AKT3: variants seen among roughly 807,000 people sequenced by gnomAD.
AKT3 encodes RAC-gamma serine/threonine-protein kinase.
In AKT3, 15 loss-of-function variants were observed where a neutral mutation model predicts 65.3. The observed-to-expected ratio is 0.23, with a 90% CI of 0.15 to 0.35. The LOEUF (loss-of-function observed/expected upper bound fraction) is 0.35. Among genes scored for constraint, AKT3 ranks in the 10% least tolerant of loss-of-function variants. AKT3 has a pLI of 1.00. For synonymous variants in AKT3, 206 were observed against 183.8 expected, an observed-to-expected ratio of 1.12 and a Z score of -0.98; for missense variants, 243 against 576.5, an observed-to-expected ratio of 0.42 and a Z score of 5.92.
chr1:243,582,430 C>A (rs1467165732), intron 8 of AKT3, among the ~76,000 whole-genome samples: 3 of 135,936 alleles, frequency 2.2e-5, no homozygotes, highest in Non-Finnish European at 4.7e-5. Flanking sequence ...AGACTGGGGA[C>A]CTATTTTTAG....
At position 243,783,597 on chromosome 1, in the gene AKT3, GTTAAC is replaced by G. The variant is rs1296849320; in HGVS notation, c.46+59523_46+59527del. 2.6e-5 allele frequency among the ~76,000 whole-genome samples: 4 copies of G among 152,198 alleles called. No homozygotes were observed. The East Asian group carries it at 7.7e-4, about 29-fold the overall frequency. ...AAATTTAAAAATTTGTAAATGAAAA[GTTAAC>G]TTAAAAAATTTTTAATTCTTAAAAA... On this transcript the variant is annotated intron_variant, in intron 2 of 13. Transcript: ENST00000673466.
chr1:243,528,642 A>G (rs563109148), intron 12 of AKT3, among the ~76,000 whole-genome samples: 1 of 152,312 alleles, frequency 6.6e-6, no homozygotes, highest in Non-Finnish European at 1.5e-5. Flanking sequence ...TTTTGCTGCA[A>G]AGGACATGAT....
chr1:243,610,097 C>T (rs959967604), intron 8 of AKT3, among the ~76,000 whole-genome samples: 3 of 152,204 alleles, frequency 2.0e-5, no homozygotes, highest in African/African-American at 7.2e-5. Flanking sequence ...TCCACAAAGA[C>T]TTAATACATA....
At chr1:243,822,073 C>T (rs1693888159) in intron 2 of AKT3, among the ~76,000 whole-genome samples, 2 of 152,190 alleles carry the variant, frequency 1.3e-5, no homozygotes, top group Admixed American at 6.5e-5. Context: ...GAAATCCTAA[C>T]AGTCTCTCAG....
At chr1:243,529,804 T>C (rs370870987) in intron 12 of AKT3, among the ~76,000 whole-genome samples, 13 of 152,158 alleles carry the variant, frequency 8.5e-5, no homozygotes, top group African/African-American at 3.1e-4. Flanking sequence ...GATTTAAAAA[T>C]AGTTTGGTTT....
At chr1:243,797,629 C>A (rs986939045) in intron 2 of AKT3, among the ~76,000 whole-genome samples, 2 of 152,094 alleles carry the variant, frequency 1.3e-5, no homozygotes, top group African/African-American at 2.4e-5. Context: ...AATAGATATT[C>A]TCTGTTCTTA....
intron 3 of AKT3, among the ~76,000 whole-genome samples, chr1:243,673,641 G>A (rs1055885191): frequency 7.8e-6 from 1 of 127,800 alleles, no homozygotes; most frequent in African/African-American, 2.9e-5. Context: ...TTTAGACAGA[G>A]TCTTGCTCTT....
chr1:243,645,547 C>T (rs747940625), intron 5 of AKT3, among the ~76,000 whole-genome samples: 4 of 151,868 alleles, frequency 2.6e-5, no homozygotes, highest in African/African-American at 7.3e-5. Context: ...ATACGAAATG[C>T]GAAATGGAAA....
intron 8 of AKT3, among the ~76,000 whole-genome samples, chr1:243,585,216 C>A (rs1245037316): frequency 6.6e-6 from 1 of 151,868 alleles, no homozygotes; most frequent in Non-Finnish European, 1.5e-5. Context: ...TACAAGACAC[C>A]GTTAAAAGAA....
At chr1:243,704,022 T>C (rs1270107323) in intron 2 of AKT3, among the ~76,000 whole-genome samples, 2 of 152,188 alleles carry the variant, frequency 1.3e-5, no homozygotes, top group Non-Finnish European at 2.9e-5. Context: ...CTCAGGCAAC[T>C]GAAAAGTGTT....
At chr1:243,807,207 A>G (rs1692786207) in intron 2 of AKT3, among the ~76,000 whole-genome samples, 1 of 152,208 alleles carries the variant, frequency 6.6e-6, no homozygotes, top group Non-Finnish European at 1.5e-5. Context: ...GGTGCAGTGC[A>G]CCAAGCGTGA....
At chr1:243,627,514 G>C (rs1432553187) in intron 6 of AKT3, among the ~76,000 whole-genome samples, 1 of 152,090 alleles carries the variant, frequency 6.6e-6, no homozygotes, top group African/African-American at 2.4e-5. Context: ...TGTTTCGAAG[G>C]GATTCTGACT....
intron 2 of AKT3, among the ~76,000 whole-genome samples, chr1:243,720,075 G>C (rs1686781603): frequency 1.3e-5 from 2 of 152,150 alleles, no homozygotes; most frequent in Non-Finnish European, 2.9e-5. Context: ...CACTCTGGAA[G>C]GCTGTGGTGG....
chr1:243,773,092 C>T (rs1029561521), intron 2 of AKT3, among the ~76,000 whole-genome samples: 3 of 150,666 alleles, frequency 2.0e-5, no homozygotes, highest in Non-Finnish European at 4.4e-5. Flanking sequence ...ATGTAAATGG[C>T]GAGTTAATGG....
intron 2 of AKT3, among the ~76,000 whole-genome samples, chr1:243,790,516 G>C (rs1480298483): frequency 1.3e-5 from 2 of 152,164 alleles, no homozygotes; most frequent in Non-Finnish European, 2.9e-5. Flanking sequence ...TGGCTGGTTT[G>C]ATCTACCCAG....
At chr1:243,754,137 T>C (rs1688979714) in intron 2 of AKT3, among the ~76,000 whole-genome samples, 1 of 152,224 alleles carries the variant, frequency 6.6e-6, no homozygotes, top group Non-Finnish European at 1.5e-5. Flanking sequence ...CAGCTTATCC[T>C]TAAAGTAAAA....
At chr1:243,508,044 C>T (rs1203977533) in intron 13 of AKT3, among the ~76,000 whole-genome samples, 2 of 152,190 alleles carry the variant, frequency 1.3e-5, no homozygotes, top group East Asian at 1.9e-4. Flanking sequence ...CAATTGCTAA[C>T]GAATGGTACT....
At chr1:243,654,119 T>C (rs1039853770) in intron 4 of AKT3, among the ~76,000 whole-genome samples, 1 of 152,122 alleles carries the variant, frequency 6.6e-6, no homozygotes, top group African/African-American at 2.4e-5. Flanking sequence ...ATTAGCCTGG[T>C]AGCCATCATA....
downstream of AKT3, among the ~76,000 whole-genome samples, chr1:243,495,494 T>C (rs1374065653): frequency 1.3e-5 from 2 of 152,160 alleles, no homozygotes; most frequent in African/African-American, 4.8e-5. Context: ...GAGGGAAGAA[T>C]GGCCGCTGCC....
Sources: gnomAD v4.1 joint callset for allele counts (sites outside exome capture counted in the v4.1 genomes callset) on GRCh38, gnomAD v4.1.1 for gene constraint, MANE v1.5 for transcripts, NCBI Gene and HGNC (gene_info 2026-07-23, HGNC 2026-07-21) for gene names.